The following HS3ST5 variants were observed in gnomAD, a reference collection of about 807,000 sequenced individuals.
HS3ST5 encodes heparan sulfate-glucosamine 3-sulfotransferase 5.
Under a neutral mutation model 25.4 loss-of-function variants are expected in HS3ST5, and 10 were observed. The ratio of observed to expected loss-of-function variants is 0.39; its 90% CI spans 0.24 to 0.67. The LOEUF (loss-of-function observed/expected upper bound fraction) is 0.67. Among genes scored for constraint, HS3ST5 ranks in the 30% least tolerant of loss-of-function variants. HS3ST5 has a pLI of 0.44. For synonymous variants in HS3ST5, 170 were observed against 162.4 expected, an observed-to-expected ratio of 1.05 and a Z score of -0.36; for missense variants, 324 against 420.7, an observed-to-expected ratio of 0.77 and a Z score of 2.01.
intron 1 of HS3ST5, among the ~76,000 whole-genome samples, chr6:114,300,299 A>G (rs1775018371): frequency 6.6e-6 from 1 of 152,212 alleles, no homozygotes; most frequent in African/African-American, 2.4e-5. Context: ...TATAAAGAAT[A>G]CTTTAAATAT....
intron 1 of HS3ST5, among the ~76,000 whole-genome samples, chr6:114,229,877 T>C (rs2114528678): frequency 6.6e-6 from 1 of 152,304 alleles, no homozygotes; most frequent in East Asian, 1.9e-4. Context: ...ATAGGGCCTG[T>C]GAAGGATGAG....
intron 3 of HS3ST5, among the ~76,000 whole-genome samples, chr6:114,094,906 G>C (rs1054453763): frequency 3.3e-5 from 5 of 152,138 alleles, no homozygotes; most frequent in African/African-American, 1.2e-4. Context: ...TGCTGGCTTT[G>C]AAGGAGGAAG....
At chr6:114,210,607 A>G (rs927923285) in intron 2 of HS3ST5, among the ~76,000 whole-genome samples, 1 of 152,200 alleles carries the variant, frequency 6.6e-6, no homozygotes, top group African/African-American at 2.4e-5. Flanking sequence ...ATACCCAGTT[A>G]AGGTCTGGGA....
At chr6:114,330,924 A>G (rs1776368497) in intron 1 of HS3ST5, among the ~76,000 whole-genome samples, 1 of 152,236 alleles carries the variant, frequency 6.6e-6, no homozygotes, top group Non-Finnish European at 1.5e-5. Flanking sequence ...CATTAACCAT[A>G]TTTAGGACTT....
At chr6:114,149,989 G>T (rs984022433) in intron 3 of HS3ST5, among the ~76,000 whole-genome samples, 1 of 152,166 alleles carries the variant, frequency 6.6e-6, no homozygotes, top group Non-Finnish European at 1.5e-5. Flanking sequence ...TTAGCCAAAA[G>T]ATAAGTGAGG....
intron 1 of HS3ST5, among the ~76,000 whole-genome samples, chr6:114,338,423 C>T (rs1475205571): frequency 6.6e-6 from 1 of 151,524 alleles, no homozygotes; most frequent in East Asian, 1.9e-4. Flanking sequence ...GTCAAATAAA[C>T]TCTTCAACCA....
intron 1 of HS3ST5, among the ~76,000 whole-genome samples, chr6:114,269,844 C>T (rs1263175570): frequency 6.6e-6 from 1 of 152,120 alleles, no homozygotes; most frequent in Non-Finnish European, 1.5e-5. Flanking sequence ...AACCAAGACC[C>T]TCAGGGCTAG....
intron 3 of HS3ST5, among the ~76,000 whole-genome samples, chr6:114,150,219 G>A (rs1778385732): frequency 6.6e-6 from 1 of 152,150 alleles, no homozygotes; most frequent in Non-Finnish European, 1.5e-5. Flanking sequence ...TGTTAAGTTT[G>A]TTTTTAATCT....
At chr6:114,333,575 T>G (rs1179645523) in intron 1 of HS3ST5, among the ~76,000 whole-genome samples, 2 of 152,074 alleles carry the variant, frequency 1.3e-5, no homozygotes, top group African/African-American at 4.8e-5. Flanking sequence ...GAAGATAAGA[T>G]AAACAACCGA....
chr6:114,292,650 T>C (rs535290865), intron 1 of HS3ST5, among the ~76,000 whole-genome samples: 1 of 152,332 alleles, frequency 6.6e-6, no homozygotes, highest in Non-Finnish European at 1.5e-5. Flanking sequence ...TGAGAAAAGA[T>C]AGCCCTTCCC....
chr6:114,103,759 C>T (rs545645628), intron 3 of HS3ST5, among the ~76,000 whole-genome samples: 3 of 141,786 alleles, frequency 2.1e-5, no homozygotes, highest in African/African-American at 7.9e-5. Flanking sequence ...AGTGCAGTGG[C>T]GGCTCACTGC....
At chr6:114,322,869 C>T (rs1776022491) in intron 1 of HS3ST5, among the ~76,000 whole-genome samples, 1 of 152,160 alleles carries the variant, frequency 6.6e-6, no homozygotes, top group Non-Finnish European at 1.5e-5. Context: ...AATTATATTT[C>T]CTTGCTTCAT....
intron 3 of HS3ST5, among the ~76,000 whole-genome samples, chr6:114,154,311 G>A (rs531895348): frequency 1.3e-5 from 2 of 152,214 alleles, no homozygotes; most frequent in South Asian, 4.1e-4. Context: ...CAATATTCCA[G>A]CTGGCACTAT....
In HS3ST5 at chr6:114,057,596, G is replaced by A; in HGVS notation, c.702C>T (p.Tyr234=). The A allele has an allele frequency of 2.5e-6, 4 of 1,614,166 alleles. No individual in the cohort carries two copies. Among genetic ancestry groups the A allele is most frequent in the Non-Finnish European group, 3.4e-6 (4 of 1,180,032 alleles). ...TKYKAVRTSI[Y]TKHLERWLKY... Reference sequence around the variant, plus strand: ...TCAACCACCTTTCCAGATGTTTGGTGTAGATGCTGGTTCTTACTGCTTTGT... The same window carrying A: ...TCAACCACCTTTCCAGATGTTTGGTATAGATGCTGGTTCTTACTGCTTTGT... The change falls in exon 5 of 5, where the codon TAC becomes TAT. Residue 234 remains tyrosine, a synonymous_variant. Coordinates refer to ENST00000312719, the MANE Select transcript of HS3ST5 (RefSeq NM_153612.4).
At chr6:114,127,573 A>G (rs924085360) in intron 3 of HS3ST5, among the ~76,000 whole-genome samples, 2 of 152,184 alleles carry the variant, frequency 1.3e-5, no homozygotes, top group Non-Finnish European at 2.9e-5. Context: ...TATGGCTAGC[A>G]GAGTTTGAGA....
intron 3 of HS3ST5, among the ~76,000 whole-genome samples, chr6:114,085,563 C>G (rs1774749400): frequency 6.6e-6 from 1 of 152,146 alleles, no homozygotes; most frequent in African/African-American, 2.4e-5. Flanking sequence ...CTGTTAGATT[C>G]CCTGCACTGA....
At chr6:114,261,341 C>T (rs941482585) in intron 1 of HS3ST5, among the ~76,000 whole-genome samples, 1 of 151,964 alleles carries the variant, frequency 6.6e-6, no homozygotes, top group Non-Finnish European at 1.5e-5. Flanking sequence ...GGATTGGGTA[C>T]AATCACACAA....
chr6:114,188,321 C>T (rs1417049112), intron 2 of HS3ST5, among the ~76,000 whole-genome samples: 2 of 152,126 alleles, frequency 1.3e-5, no homozygotes, highest in African/African-American at 4.8e-5. Context: ...CAATTTTGAA[C>T]AAAAAATTTC....
At chr6:114,322,363 C>A (rs141031035) in intron 1 of HS3ST5, among the ~76,000 whole-genome samples, 1 of 152,202 alleles carries the variant, frequency 6.6e-6, no homozygotes, top group East Asian at 1.9e-4. Context: ...ATTGTCTGCA[C>A]AACCTTTCCT....
Sources: gnomAD v4.1 joint callset for allele counts (sites outside exome capture counted in the v4.1 genomes callset) on GRCh38, gnomAD v4.1.1 for gene constraint, MANE v1.5 for transcripts, NCBI Gene and HGNC (gene_info 2026-07-23, HGNC 2026-07-21) for gene names.